Variants in TLR4 observed in about 807,000 individuals in gnomAD.
The protein encoded by TLR4 is toll like receptor 4.
TLR4 carries 17 observed loss-of-function variants against 27.4 expected under a neutral mutation model. That is an observed-to-expected ratio of 0.62 (90% CI 0.42 to 0.93). The LOEUF is 0.93. Among genes scored for constraint, TLR4 ranks in the 40% least tolerant of loss-of-function variants. The pLI is 0.00. For missense variants in TLR4, 926 were observed against 962.3 expected, an observed-to-expected ratio of 0.96 and a Z score of 0.50; for synonymous variants, 363 against 365.7, an observed-to-expected ratio of 0.99 and a Z score of 0.08.
chr9:117,712,907 T>C lies in TLR4; in HGVS notation c.779T>C (p.Leu260Pro), dbSNP rs55799839. The change falls in exon 3 of 3, where the codon CTG becomes CCG. Residue 260 changes from leucine (L) to proline (P), a missense_variant. By Grantham distance (98) the Leu-to-Pro change is moderately conservative. Coordinates refer to ENST00000355622, the MANE Select transcript of TLR4 (RefSeq NM_138554.5). ...LAGLEVHRLV[L>P]GEFRNEGNLE... ...GGTTTAGAAGTCCATCGTTTGGTTC[T>C]GGGAGAATTTAGAAATGAAGGAAAC... 9.1e-5 allele frequency: 147 copies of C among 1,614,130 alleles called. 1 individual carries two copies. The South Asian group carries it at 1.5e-3, about 17-fold the overall frequency.
At chr9:117,711,925 C>T (rs1041656621) in intron 2 of TLR4, among the ~76,000 whole-genome samples, 1 of 152,118 alleles carries the variant, frequency 6.6e-6, no homozygotes, top group African/African-American at 2.4e-5. Context: ...TGTAATTTTT[C>T]GTATCTCTGA....
rs1204248740 is a variant in TLR4 at position 117,719,351 on chromosome 9, C to T, written c.*4703C>T. 1 of 152,136 alleles carries T rather than the reference C, an allele frequency of 6.6e-6. No homozygotes were observed. The highest frequency in any genetic ancestry group is 2.4e-5 in the African/African-American group (1 of 41,412). The allele number at this position is 152,136 out of a possible 1,614,324, so 9.4% of individuals were successfully genotyped here. On this transcript the variant is annotated 3_prime_UTR_variant, in exon 3 of 3. Transcript: ENST00000355622. The stretch of plus-strand genomic sequence containing the variant: ...TGTCATGTGTCCACTGTCACCTGCT[C>T]ATTGGTGGCAGCACTGAGATTAGGA...
chr9:117,708,681 G>A lies in TLR4; in HGVS notation c.212G>A (p.Ser71Asn), dbSNP rs200606970. ...LSFNPLRHLG[S>N]YSFFSFPELQ... ...TTTAATCCCCTGAGGCATTTAGGCA[G>A]CTATAGCTTCTTCAGTTTCCCAGAA... The change falls in exon 2 of 3, where the codon AGC becomes AAC. Residue 71 changes from serine to asparagine, a missense_variant. Transcript: ENST00000355622. The A allele has an allele frequency of 6.2e-7, 1 of 1,613,916 alleles. No homozygotes were observed. The highest frequency in any genetic ancestry group is 8.5e-7 in the Non-Finnish European group (1 of 1,179,846).
rs949438752 is a variant in TLR4, at chr9:117,719,266, TAGAA to T, written c.*4622_*4625del. 13 of 152,332 alleles carry T rather than the reference TAGAA, an allele frequency of 8.5e-5. No individual in the cohort carries two copies. Among genetic ancestry groups the T allele is most frequent in the South Asian group, 6.2e-4 (3 of 4,830 alleles). 9.4% of individuals were successfully genotyped at this position (152,332 alleles called of 1,614,324 possible). A position where few individuals can be genotyped will look rare whatever the true frequency, so the allele number is the denominator to read the frequency against. On this transcript the variant is annotated 3_prime_UTR_variant, in exon 3 of 3. Coordinates refer to ENST00000355622, the MANE Select transcript of TLR4 (RefSeq NM_138554.5). ...ATCTCAGTTTGTCACATCAATGAATTAGAAAGATACGAAAGTATTTCCAATTTAC... is the reference window on the plus strand; with the variant it reads ...ATCTCAGTTTGTCACATCAATGAATTAGATACGAAAGTATTTCCAATTTAC...
Position 117,717,228 on chromosome 9 carries a change from G to A in TLR4, c.*2580G>A, listed in dbSNP as rs1829363696. On this transcript the variant is annotated 3_prime_UTR_variant, in exon 3 of 3. Transcript: ENST00000355622. The stretch of plus-strand genomic sequence containing the variant: ...TGTTTGAGATGAGTTCTCTACTCTT[G>A]TGCTTGTACAGTAGTCTCCCCTTAT... 6.6e-6 allele frequency: 1 copy of A among 152,064 alleles called. No homozygotes were observed. Among genetic ancestry groups the A allele is most frequent in the East Asian group, 1.9e-4 (1 of 5,184 alleles). The allele number at this position is 152,064 out of a possible 1,614,324, so 9.4% of individuals were successfully genotyped here.
rs1829396690 is a variant in TLR4 at position 117,719,354 on chromosome 9, T to C, written c.*4706T>C. 1.3e-5 allele frequency: 2 copies of C among 152,198 alleles called. No homozygotes were observed. The highest frequency in any genetic ancestry group is 2.9e-5 in the Non-Finnish European group (2 of 68,032). 9.4% of individuals were successfully genotyped at this position (152,198 alleles called of 1,614,324 possible). On this transcript the variant is annotated 3_prime_UTR_variant, in exon 3 of 3. Coordinates refer to ENST00000355622, the MANE Select transcript of TLR4 (RefSeq NM_138554.5). ...CATGTGTCCACTGTCACCTGCTCAT[T>C]GGTGGCAGCACTGAGATTAGGATCT...
rs199507118 is a variant in TLR4 at position 117,716,711 on chromosome 9, C to T, written c.*2063C>T. On this transcript the variant is annotated 3_prime_UTR_variant, in exon 3 of 3. Transcript: ENST00000355622. Reference sequence around the variant, plus strand: ...TTAACATTTTGTTAAGAGGGTACCTCTCATGTTAAGTGTTCTTACCATATA... The same window carrying T: ...TTAACATTTTGTTAAGAGGGTACCTTTCATGTTAAGTGTTCTTACCATATA... 2.0e-5 allele frequency: 3 copies of T among 152,124 alleles called. No individual in the cohort carries two copies. The highest frequency in any genetic ancestry group is 4.8e-5 in the African/African-American group (2 of 41,424). The allele number at this position is 152,124 out of a possible 1,614,324, so 9.4% of individuals were successfully genotyped here. A position where few individuals can be genotyped will look rare whatever the true frequency, so the allele number is the denominator to read the frequency against.
Position 117,713,498 on chromosome 9 carries a change from C to T in TLR4, c.1370C>T (p.Thr457Ile). 6.2e-7 allele frequency: 1 copy of T among 1,614,122 alleles called. No homozygotes were observed. Among genetic ancestry groups the T allele is most frequent in the Non-Finnish European group, 8.5e-7 (1 of 1,180,024 alleles). ...RNLIYLDISH[T>I]HTRVAFNGIF... ...CTCATTTACCTTGACATTTCTCATA[C>T]TCACACCAGAGTTGCTTTCAATGGC... Residue 457 changes from threonine to isoleucine, a missense_variant, in exon 3 of 3, where the codon ACT becomes ATT. Thr to Ile is a moderately conservative substitution (Grantham distance 89). Coordinates refer to ENST00000355622, the MANE Select transcript of TLR4 (RefSeq NM_138554.5).
At position 117,713,324 on chromosome 9, in the gene TLR4, C is replaced by T. The variant is rs4986791; in HGVS notation, c.1196C>T (p.Thr399Ile). The T allele has an allele frequency of 0.061, 98,915 of 1,613,894 alleles. 3,597 individuals carry two copies. Among genetic ancestry groups the T allele is most frequent in the South Asian group, 0.11 (9,606 of 91,080 alleles). ...TGTTCTCAAAGTGATTTTGGGACAA[C>T]CAGCCTAAAGTATTTAGATCTGAGC... ...GCCSQSDFGT[T>I]SLKYLDLSFN... Residue 399 changes from threonine to isoleucine, a missense_variant, in exon 3 of 3, where the codon ACC (threonine) becomes ATC (isoleucine). By Grantham distance (89) the Thr-to-Ile change is moderately conservative (BLOSUM62 -1). Transcript: ENST00000355622.
At position 117,713,394 on chromosome 9, in the gene TLR4, A is replaced by G. The variant is rs1365541964; in HGVS notation, c.1266A>G (p.Glu422=). ...TGAGTTCAAACTTCTTGGGCTTAGA[A>G]CAACTAGAACATCTGGATTTCCAGC... ...ITMSSNFLGL[E]QLEHLDFQHS... The change falls in exon 3 of 3, where the codon GAA becomes GAG. Residue 422 remains glutamate, a synonymous_variant. Coordinates refer to ENST00000355622, the MANE Select transcript of TLR4 (RefSeq NM_138554.5). 1.9e-6 allele frequency: 3 copies of G among 1,614,048 alleles called. No homozygotes were observed. Among genetic ancestry groups the G allele is most frequent in the Middle Eastern group, 1.7e-4 (1 of 6,060 alleles).
rs199538404 is a variant in TLR4 at position 117,708,547 on chromosome 9, T to C, written c.94-16T>C. 11 of 1,613,636 alleles carry C rather than the reference T, an allele frequency of 6.8e-6. No homozygotes were observed. In the South Asian group the frequency reaches 9.9e-5, roughly 14 times the overall value. ...CATGCAGTAAAGATACTTCATGTCA[T>C]GTGTAATCATTGCAGGTGGTTCCTA... On this transcript the variant is annotated splice_polypyrimidine_tract_variant and intron_variant, in intron 1 of 2. Coordinates refer to ENST00000355622, the MANE Select transcript of TLR4 (RefSeq NM_138554.5).
At chr9:117,708,388 A>T in intron 1 of TLR4, 175 bp from the exon 2 acceptor site, 1 of 1,464,854 alleles carries the variant, frequency 6.8e-7, no homozygotes. Flanking sequence ...TATAAGCATG[A>T]ATTGAGTGAA....
intron 1 of TLR4, among the ~76,000 whole-genome samples, chr9:117,707,316 A>G (rs1316509381): frequency 1.3e-5 from 2 of 152,144 alleles, no homozygotes; most frequent in African/African-American, 2.4e-5. Context: ...TTGAATTTCC[A>G]TTTTCCTCAT....
chr9:117,711,368 A>G (rs1187773949), intron 2 of TLR4, among the ~76,000 whole-genome samples: 2 of 152,218 alleles, frequency 1.3e-5, no homozygotes, highest in African/African-American at 4.8e-5. Flanking sequence ...CAATGCTGAA[A>G]GGAATTTTTC....
rs1032220459 is a variant in TLR4 at position 117,714,736 on chromosome 9, G to A, written c.*88G>A. The A allele has an allele frequency of 8.6e-7, 1 of 1,160,388 alleles. No individual in the cohort carries two copies. The highest frequency in any genetic ancestry group is 2.4e-5 in the East Asian group (1 of 41,218). The allele number at this position is 1,160,388 out of a possible 1,614,324, so 71.9% of individuals were successfully genotyped here. A position where few individuals can be genotyped will look rare whatever the true frequency, so the allele number is the denominator to read the frequency against. ...TAATAAGTATTAAATGCTGCCACAT[G>A]TCAGGCCTTATGCTAAGGGTGAGTA... On this transcript the variant is annotated 3_prime_UTR_variant, in exon 3 of 3. Coordinates refer to ENST00000355622, the MANE Select transcript of TLR4 (RefSeq NM_138554.5).
Position 117,714,102 on chromosome 9 carries a change from G to C in TLR4, c.1974G>C (p.Leu658=). The C allele has an allele frequency of 1.9e-6, 3 of 1,614,050 alleles. No homozygotes were observed. In the South Asian group the frequency reaches 3.3e-5, roughly 18 times the overall value. ...AVLVYKFYFH[L]MLLAGCIKYG... The stretch of plus-strand genomic sequence containing the variant: ...TGGTCTATAAGTTCTATTTTCACCT[G>C]ATGCTTCTTGCTGGCTGCATAAAGT... The change falls in exon 3 of 3, where the codon CTG becomes CTC. Residue 658 remains leucine (L), a synonymous_variant. Coordinates refer to ENST00000355622, the MANE Select transcript of TLR4 (RefSeq NM_138554.5).
In TLR4 at chr9:117,712,873, G is replaced by A. The variant is rs1429321008; in HGVS notation, c.745G>A (p.Gly249Ser). 1.9e-6 allele frequency: 3 copies of A among 1,613,998 alleles called. No individual in the cohort carries two copies. The highest frequency in any genetic ancestry group is 4.5e-5 in the East Asian group (2 of 44,860). Residue 249 changes from glycine to serine, a missense_variant, in exon 3 of 3, where the codon GGT becomes AGT. By Grantham distance (56) the Gly-to-Ser change is moderately conservative. Transcript: ENST00000355622. ...AAATGTAATGAAAACTTGTATTCAA[G>A]GTCTGGCTGGTTTAGAAGTCCATCG... ...SLNVMKTCIQGLAGLEVHRLV... is the reference protein window; with the variant it reads ...SLNVMKTCIQSLAGLEVHRLV...
intron 2 of TLR4, among the ~76,000 whole-genome samples, chr9:117,709,753 T>G (rs1829199620): frequency 6.6e-6 from 1 of 152,134 alleles, no homozygotes; most frequent in South Asian, 2.1e-4. Flanking sequence ...GCATACGACC[T>G]ATTATACTCT....
chr9:117,708,174 G>C (rs55970739), intron 1 of TLR4: 27 of 1,013,106 alleles, frequency 2.7e-5, no homozygotes, highest in Non-Finnish European at 3.2e-5. Context: ...TCTTTTGTTC[G>C]TTTTATTTTG....
Sources: gnomAD v4.1 joint callset for allele counts (sites outside exome capture counted in the v4.1 genomes callset) on GRCh38, gnomAD v4.1.1 for gene constraint, MANE v1.5 for transcripts, NCBI Gene and HGNC (gene_info 2026-07-23, HGNC 2026-07-21) for gene names.